MAML3: variants seen among roughly 807,000 people sequenced by gnomAD.
The protein encoded by MAML3 is mastermind like transcriptional coactivator 3.
A neutral mutation model predicts 101.9 loss-of-function variants in MAML3; 27 were observed. The observed-to-expected ratio is 0.27, with a 90% CI of 0.20 to 0.37. MAML3 has a LOEUF of 0.37. Among genes scored for constraint, MAML3 ranks in the 10% least tolerant of loss-of-function variants. The pLI, the probability that MAML3 is intolerant of heterozygous loss-of-function variation, is 1.00. For missense variants in MAML3, 1,316 were observed against 1,444.9 expected, an observed-to-expected ratio of 0.91 and a Z score of 1.45; for synonymous variants, 501 against 555.9, an observed-to-expected ratio of 0.90 and a Z score of 1.39.
At position 139,776,076 on chromosome 4, in the gene MAML3, T is replaced by C. The variant is rs193282493; in HGVS notation, c.2080-45409A>G. On this transcript the variant is annotated intron_variant, in intron 2 of 4. Coordinates refer to ENST00000509479, the MANE Select transcript of MAML3 (RefSeq NM_018717.5). ...CCAAATAGCATGCCAAATCAGAATG[T>C]ATTAACCCAAGGCAAATGATAAATG... Among the ~76,000 whole-genome samples, 5 of 152,346 alleles carry C rather than the reference T, an allele frequency of 3.3e-5. No individual in the cohort carries two copies. The East Asian group carries it at 9.6e-4, about 29-fold the overall frequency.
chr4:139,943,402 A>G (rs549448776), intron 1 of MAML3, among the ~76,000 whole-genome samples: 1 of 152,274 alleles, frequency 6.6e-6, no homozygotes, highest in East Asian at 1.9e-4. Context: ...GAAAATAGAG[A>G]AAAGAAGTAG....
intron 1 of MAML3, among the ~76,000 whole-genome samples, chr4:140,150,491 G>A (rs553961864): frequency 6.6e-6 from 1 of 152,236 alleles, no homozygotes; most frequent in African/African-American, 2.4e-5. Context: ...CACTGGGAAC[G>A]GCACTGGCTT....
intron 2 of MAML3, among the ~76,000 whole-genome samples, chr4:139,805,420 C>A (rs1730683691): frequency 6.6e-6 from 1 of 152,140 alleles, no homozygotes; most frequent in Non-Finnish European, 1.5e-5. Flanking sequence ...TCAGGTTTTG[C>A]TGGGTTTTCT....
intron 2 of MAML3, among the ~76,000 whole-genome samples, chr4:139,860,680 G>A (rs556336891): frequency 4.6e-5 from 7 of 152,134 alleles, no homozygotes; most frequent in Non-Finnish European, 1.0e-4. Context: ...CACACAATAC[G>A]CATGCAAGGG....
chr4:139,958,054 A>G (rs1733944136), intron 1 of MAML3, among the ~76,000 whole-genome samples: 1 of 152,254 alleles, frequency 6.6e-6, no homozygotes, highest in Admixed American at 6.5e-5. Flanking sequence ...TTCCTGAGTG[A>G]ATTCCACAAA....
chr4:139,860,931 A>C (rs1398902664), intron 2 of MAML3, among the ~76,000 whole-genome samples: 1 of 152,086 alleles, frequency 6.6e-6, no homozygotes, highest in Non-Finnish European at 1.5e-5. Flanking sequence ...TTAGATCCCC[A>C]GTGTTGAGGT....
At chr4:139,986,577 A>T (rs187964725) in intron 1 of MAML3, among the ~76,000 whole-genome samples, 123 of 152,238 alleles carry the variant, frequency 8.1e-4, no homozygotes, top group African/African-American at 2.7e-3. Flanking sequence ...CAAGTCTTAC[A>T]ATTAATATTC....
At chr4:140,149,945 T>TTC (rs1407291464) in intron 1 of MAML3, among the ~76,000 whole-genome samples, 2 of 147,860 alleles carry the variant, frequency 1.4e-5, no homozygotes, top group Non-Finnish European at 3.0e-5. Context: ...CTTTCTTTTT[T>TTC]TTTTTTTTTT....
rs564373810 is a variant in MAML3, at chr4:139,970,049, G to A, written c.469-79082C>T. Reference sequence around the variant, plus strand: ...TAACTACTGGGTATGAGGTCAGTGGGTTATGAAAGATACAGTCCCTGCCTT... The same window carrying A: ...TAACTACTGGGTATGAGGTCAGTGGATTATGAAAGATACAGTCCCTGCCTT... On this transcript the variant is annotated intron_variant, in intron 1 of 4. Coordinates refer to ENST00000509479, the MANE Select transcript of MAML3 (RefSeq NM_018717.5). Among the ~76,000 whole-genome samples the A allele has an allele frequency of 3.3e-5, 5 of 152,304 alleles. No homozygotes were observed. The East Asian group carries it at 7.7e-4, about 24-fold the overall frequency.
At chr4:139,736,991 T>G (rs1276262668) in intron 2 of MAML3, among the ~76,000 whole-genome samples, 1 of 152,166 alleles carries the variant, frequency 6.6e-6, no homozygotes, top group Non-Finnish European at 1.5e-5. Flanking sequence ...CCAAGAATTC[T>G]GAAAGGAGCC....
intron 2 of MAML3, among the ~76,000 whole-genome samples, chr4:139,751,685 G>A (rs1304840455): frequency 6.6e-6 from 1 of 152,178 alleles, no homozygotes; most frequent in African/African-American, 2.4e-5. Flanking sequence ...GTACACAGAT[G>A]GGTGGGTTTG....
intron 2 of MAML3, among the ~76,000 whole-genome samples, chr4:139,853,229 T>C (rs1560814510): frequency 6.6e-6 from 1 of 152,338 alleles, no homozygotes; most frequent in East Asian, 1.9e-4. Context: ...TTCATCCATT[T>C]CAAATGGTAC....
At chr4:139,859,928 G>C (rs144785694) in intron 2 of MAML3, among the ~76,000 whole-genome samples, 6 of 152,350 alleles carry the variant, frequency 3.9e-5, no homozygotes, top group Non-Finnish European at 5.9e-5. Flanking sequence ...CGAGAGCGGA[G>C]AGGCCTGAGC....
At chr4:139,723,365 C>T (rs1288494261) in intron 4 of MAML3, among the ~76,000 whole-genome samples, 6 of 152,152 alleles carry the variant, frequency 3.9e-5, no homozygotes, top group African/African-American at 1.4e-4. Flanking sequence ...GGCTGGAGTG[C>T]AATGGCACGA....
intron 1 of MAML3, among the ~76,000 whole-genome samples, chr4:140,038,752 T>C (rs145682474): frequency 6.6e-6 from 1 of 152,318 alleles, no homozygotes; most frequent in Non-Finnish European, 1.5e-5. Context: ...GGCTAGCACT[T>C]GCAAGCTCGG....
chr4:139,821,696 C>A (rs1218747048), intron 2 of MAML3, among the ~76,000 whole-genome samples: 1 of 152,180 alleles, frequency 6.6e-6, no homozygotes, highest in Non-Finnish European at 1.5e-5. Flanking sequence ...GGCCACTGGC[C>A]ACTTCCAAGT....
intron 2 of MAML3, among the ~76,000 whole-genome samples, chr4:139,792,180 G>A (rs756378095): frequency 7.6e-4 from 115 of 152,310 alleles, no homozygotes; most frequent in Admixed American, 1.5e-3. Flanking sequence ...TATATGGAGA[G>A]AGCAGAATGA....
intron 2 of MAML3, among the ~76,000 whole-genome samples, chr4:139,866,312 C>A (rs536603972): frequency 6.6e-6 from 1 of 152,224 alleles, no homozygotes; most frequent in Admixed American, 6.5e-5. Flanking sequence ...GCTTGTCTCT[C>A]CTCACCCAGC....
At chr4:139,893,432 G>A (rs1732543656) in intron 1 of MAML3, among the ~76,000 whole-genome samples, 1 of 152,174 alleles carries the variant, frequency 6.6e-6, no homozygotes, top group African/African-American at 2.4e-5. Flanking sequence ...TGGGGCAGCT[G>A]CTTAAGTGTC....
Sources: allele counts gnomAD v4.1 joint callset (sites outside exome capture counted in the v4.1 genomes callset), GRCh38; gene constraint gnomAD v4.1.1; transcripts MANE v1.5; gene names NCBI Gene and HGNC (gene_info 2026-07-23, HGNC 2026-07-21).